The following CAV1 variants were observed in gnomAD, a reference collection of about 807,000 sequenced individuals.
CAV1 encodes the protein caveolin 1, also known as caveolin-1.
In CAV1, 10 loss-of-function variants were observed where a neutral mutation model predicts 16.5. The ratio of observed to expected loss-of-function variants is 0.61; its 90% CI spans 0.37 to 1.03. CAV1 has a LOEUF of 1.03. CAV1 is among the 50% of genes least tolerant of loss of function. CAV1 has a pLI of 0.01. For missense variants in CAV1, 212 were observed against 232.8 expected, an observed-to-expected ratio of 0.91 and a Z score of 0.58; for synonymous variants, 76 against 85.1, an observed-to-expected ratio of 0.89 and a Z score of 0.59.
rs959737965 is a variant in CAV1 at position 116,559,313 on chromosome 7, C to T, written c.*26C>T. The stretch of plus-strand genomic sequence containing the variant: ...ATGACATTTCAAGGATAGAAGTATA[C>T]CTGATTTTTTTTCCTTTTAATTTTC... On this transcript the variant is annotated 3_prime_UTR_variant, in exon 3 of 3. Coordinates refer to ENST00000341049, the MANE Select transcript of CAV1 (RefSeq NM_001753.5). 3.0e-5 allele frequency: 47 copies of T among 1,572,104 alleles called. No individual in the cohort carries two copies. Among genetic ancestry groups the T allele is most frequent in the Non-Finnish European group, 3.9e-5 (45 of 1,143,132 alleles).
chr7:116,542,595 G>C (rs917340274), intron 2 of CAV1: 1 of 152,068 alleles, frequency 6.6e-6, no homozygotes, highest in Admixed American at 6.5e-5. Context: ...CATTTTTACT[G>C]GAATATATTT....
intron 2 of CAV1, among the ~76,000 whole-genome samples, chr7:116,550,104 G>A (rs766521301): frequency 1.3e-5 from 2 of 152,164 alleles, no homozygotes; most frequent in Non-Finnish European, 1.5e-5. Context: ...GAAGCAACAA[G>A]AGGGAGGTCA....
At position 116,526,003 on chromosome 7, in the gene CAV1, CG is replaced by C. The variant is rs531344001; in HGVS notation, c.31-519del. 661 of 237,062 alleles carry C rather than the reference CG, an allele frequency of 2.8e-3. 2 individuals are homozygous for C. The highest frequency in any genetic ancestry group is 3.4e-3 in the Non-Finnish European group (501 of 145,298). The allele number at this position is 237,062 out of a possible 1,614,324, so 14.7% of individuals were successfully genotyped here. ...AAGCAGCGATAAAGGGAACATTCCA[CG>C]GGTCGGGCGGCTGCTGTTGGATCTT... is the stretch of plus-strand genomic sequence containing the variant. On this transcript the variant is annotated intron_variant, in intron 1 of 2. Coordinates refer to ENST00000341049, the MANE Select transcript of CAV1 (RefSeq NM_001753.5).
chr7:116,525,927 G>A (rs1024129664), intron 1 of CAV1: 5 of 790,366 alleles, frequency 6.3e-6, no homozygotes, highest in African/African-American at 5.6e-5. Flanking sequence ...GACAAGAGAG[G>A]GCCGAGGCAG....
intron 2 of CAV1, among the ~76,000 whole-genome samples, chr7:116,534,389 A>ATTT (rs1309115810): frequency 1.1e-4 from 1 of 8,990 alleles, no homozygotes; most frequent in African/African-American, 3.0e-4. Context: ...ATATATATAT[A>ATTT]TATATATTTT....
intron 2 of CAV1, among the ~76,000 whole-genome samples, chr7:116,555,238 T>A (rs1794234386): frequency 6.6e-6 from 1 of 151,792 alleles, no homozygotes; most frequent in Non-Finnish European, 1.5e-5. Flanking sequence ...AGCTCAGGCG[T>A]TCAACATCAG....
At position 116,555,518 on chromosome 7, in the gene CAV1, A is replaced by AAGAAAGAGAGAGAG. The variant is rs1554357869; in HGVS notation, c.196-3425_196-3424insAAGAGAGAGAGAGA. Among the ~76,000 whole-genome samples, 26 of 14,048 alleles carry AAGAAAGAGAGAGAG rather than the reference A, an allele frequency of 1.9e-3. 7 individuals are homozygous for AAGAAAGAGAGAGAG. Among genetic ancestry groups the AAGAAAGAGAGAGAG allele is most frequent in the African/African-American group, 5.8e-3 (24 of 4,172 alleles). The allele number at this position is 14,048 out of a possible 152,430, so 9.2% of individuals were successfully genotyped here. The stretch of plus-strand genomic sequence containing the variant: ...AAAGAAAGAAAGAAAGAAAGAAAGA[A>AAGAAAGAGAGAGAG]AGAGAGAGAGAGAGAGAGAGAGAGA... On this transcript the variant is annotated intron_variant, in intron 2 of 2. Transcript: ENST00000341049.
At chr7:116,546,947 A>G (rs1794064064) in intron 2 of CAV1, among the ~76,000 whole-genome samples, 1 of 152,198 alleles carries the variant, frequency 6.6e-6, no homozygotes, top group Non-Finnish European at 1.5e-5. Flanking sequence ...TGAAGCCTAT[A>G]GGGAAGGCCT....
chr7:116,544,936 C>T (rs1413653048), intron 2 of CAV1, among the ~76,000 whole-genome samples: 2 of 152,086 alleles, frequency 1.3e-5, no homozygotes, highest in African/African-American at 4.8e-5. Context: ...TTGTCCTGGT[C>T]GTTTCCTCAT....
At chr7:116,525,026 A>G (rs747403834), upstream of CAV1, 14 of 1,613,874 alleles carry the variant, frequency 8.7e-6, no homozygotes, top group Non-Finnish European at 1.2e-5. Context: ...CAGCCCAGGG[A>G]AACCTCCTCA....
At chr7:116,547,366 A>G (rs1370335618) in intron 2 of CAV1, among the ~76,000 whole-genome samples, 1 of 152,206 alleles carries the variant, frequency 6.6e-6, no homozygotes, top group African/African-American at 2.4e-5. Context: ...TCCTAAGAAG[A>G]GCAAAAGATG....
At chr7:116,525,299 G>A (rs745656714) in intron 1 of CAV1, 4 of 1,554,230 alleles carry the variant, frequency 2.6e-6, no homozygotes, top group Non-Finnish European at 3.5e-6. Context: ...TAATGGAGAG[G>A]GGGCCTAGGG....
chr7:116,528,256 G>T (rs1793611696), intron 2 of CAV1, among the ~76,000 whole-genome samples: 1 of 152,160 alleles, frequency 6.6e-6, no homozygotes, highest in Non-Finnish European at 1.5e-5. Context: ...CAGTGTGGAT[G>T]TGGGTCTCCA....
intron 2 of CAV1, among the ~76,000 whole-genome samples, chr7:116,529,948 A>G (rs1437400537): frequency 6.6e-6 from 1 of 152,136 alleles, no homozygotes; most frequent in African/African-American, 2.4e-5. Flanking sequence ...TTATGTACTT[A>G]TTTTGATTTT....
Position 116,559,063 on chromosome 7 carries a change from G to A in CAV1, c.313G>A (p.Ala105Thr). ...ATACTGGTTTTACCGCTTGCTGTCTGCCCTCTTTGGCATCCCGATGGCACT... is the reference window on the plus strand; with the variant it reads ...ATACTGGTTTTACCGCTTGCTGTCTACCCTCTTTGGCATCCCGATGGCACT... ...TKYWFYRLLSALFGIPMALIW... is the reference protein window; with the variant it reads ...TKYWFYRLLSTLFGIPMALIW... Residue 105 changes from alanine (A) to threonine (T), a missense_variant, in exon 3 of 3, where the codon GCC becomes ACC. Ala to Thr is a moderately conservative substitution (Grantham distance 58). Transcript: ENST00000341049. 6.2e-7 allele frequency: 1 copy of A among 1,613,862 alleles called. No homozygotes were observed. The highest frequency in any genetic ancestry group is 8.5e-7 in the Non-Finnish European group (1 of 1,179,906).
At chr7:116,540,549 T>C (rs1044094224) in intron 2 of CAV1, among the ~76,000 whole-genome samples, 1 of 152,218 alleles carries the variant, frequency 6.6e-6, no homozygotes, top group Non-Finnish European at 1.5e-5. Flanking sequence ...TGTAACTTGG[T>C]ATCTAACATA....
At chr7:116,525,953 C>A in intron 1 of CAV1, 1 of 508,884 alleles carries the variant, frequency 2.0e-6, no homozygotes, top group African/African-American at 2.1e-5. Context: ...GGGGCGCGGG[C>A]AGGTGCGAGG....
At chr7:116,539,239 A>G (rs1793889510) in intron 2 of CAV1, among the ~76,000 whole-genome samples, 1 of 152,030 alleles carries the variant, frequency 6.6e-6, no homozygotes, top group Non-Finnish European at 1.5e-5. Flanking sequence ...TGTGGCATTC[A>G]TCAAAGCCTT....
chr7:116,541,710 T>C (rs1312260434), intron 2 of CAV1, among the ~76,000 whole-genome samples: 1 of 147,390 alleles, frequency 6.8e-6, no homozygotes, highest in Non-Finnish European at 1.5e-5. Flanking sequence ...GCCATGATTG[T>C]GCCACTGCAT....
Sources: allele counts gnomAD v4.1 joint callset (sites outside exome capture counted in the v4.1 genomes callset), GRCh38; gene constraint gnomAD v4.1.1; transcripts MANE v1.5; gene names NCBI Gene and HGNC (gene_info 2026-07-23, HGNC 2026-07-21).